Variants in SEMA5A observed in about 807,000 individuals in gnomAD.
The protein encoded by SEMA5A is semaphorin 5A.
A neutral mutation model predicts 135.5 loss-of-function variants in SEMA5A; 55 were observed. That is an observed-to-expected ratio of 0.41 (90% confidence interval 0.33 to 0.51). The LOEUF (loss-of-function observed/expected upper bound fraction) is 0.51. Among genes scored for constraint, SEMA5A ranks in the 20% least tolerant of loss-of-function variants. SEMA5A has a pLI of 0.37. For synonymous variants in SEMA5A, 580 were observed against 546.5 expected, an observed-to-expected ratio of 1.06 and a Z score of -0.85; for missense variants, 1,290 against 1,419.9, an observed-to-expected ratio of 0.91 and a Z score of 1.47.
At chr5:9,231,282 C>A (rs865990246) in intron 6 of SEMA5A, among the ~76,000 whole-genome samples, 4 of 151,882 alleles carry the variant, frequency 2.6e-5, no homozygotes, top group African/African-American at 4.8e-5. Context: ...GCCTGGCCAA[C>A]ATGAAACCCC....
intron 5 of SEMA5A, among the ~76,000 whole-genome samples, chr5:9,292,010 G>C (rs371178958): frequency 6.6e-6 from 1 of 152,068 alleles, no homozygotes; most frequent in African/African-American, 2.4e-5. Context: ...TTGCGGTGAG[G>C]CTGCAGCCCT....
At chr5:9,515,078 C>T (rs1214856479) in intron 1 of SEMA5A, among the ~76,000 whole-genome samples, 1 of 152,222 alleles carries the variant, frequency 6.6e-6, no homozygotes, top group Admixed American at 6.5e-5. Flanking sequence ...CTAGCCTAGC[C>T]TATTCTAAGC....
chr5:9,048,325 C>T lies in SEMA5A; in HGVS notation c.2893+2085G>A, dbSNP rs547099521. ...TGTGCACTTGGGCCAGTGACATCAT[C>T]CCTCTAAGTCTCATGGTCTCCATTT... On this transcript the variant is annotated intron_variant, in intron 21 of 22. Coordinates refer to ENST00000382496, the MANE Select transcript of SEMA5A (RefSeq NM_003966.3). Among the ~76,000 whole-genome samples, 7 of 152,298 alleles carry T rather than the reference C, an allele frequency of 4.6e-5. No individual in the cohort carries two copies. The East Asian group carries it at 1.4e-3, about 29-fold the overall frequency.
At position 9,270,882 on chromosome 5, in the gene SEMA5A, T is replaced by A. The variant is rs550114174; in HGVS notation, c.271-32992A>T. ...AGCAAACTACAGCCTGTGGGTCAAA[T>A]CCAGCCCATTGCCTATTTTCTGATC... is the stretch of plus-strand genomic sequence containing the variant. On this transcript the variant is annotated intron_variant, in intron 5 of 22. Coordinates refer to ENST00000382496, the MANE Select transcript of SEMA5A (RefSeq NM_003966.3). Among the ~76,000 whole-genome samples the A allele has an allele frequency of 6.6e-4, 101 of 152,260 alleles. 1 individual carries two copies. Among genetic ancestry groups the A allele is most frequent in the Middle Eastern group, 3.4e-3 (1 of 294 alleles).
intron 3 of SEMA5A, among the ~76,000 whole-genome samples, chr5:9,347,843 C>T (rs1236022912): frequency 6.6e-6 from 1 of 152,110 alleles, no homozygotes; most frequent in Non-Finnish European, 1.5e-5. Context: ...CATATTTTTC[C>T]TTGGTATTTT....
chr5:9,275,125 T>C lies in SEMA5A; in HGVS notation c.271-37235A>G, dbSNP rs573700620. Among the ~76,000 whole-genome samples, 6 of 151,830 alleles carry C rather than the reference T, an allele frequency of 4.0e-5. No individual in the cohort carries two copies. In the East Asian group the frequency reaches 1.2e-3, roughly 29 times the overall value. On this transcript the variant is annotated intron_variant, in intron 5 of 22. Transcript: ENST00000382496. ...AAAAAAGAGAGAAGAATCAAGTAGA[T>C]GCAATAAAAAATGATAAAGGGTATA...
At chr5:9,179,806 T>C (rs574299370) in intron 11 of SEMA5A, among the ~76,000 whole-genome samples, 1 of 152,316 alleles carries the variant, frequency 6.6e-6, no homozygotes, top group Non-Finnish European at 1.5e-5. Context: ...TAAATTTGAC[T>C]GTAAGAGCAG....
intron 2 of SEMA5A, among the ~76,000 whole-genome samples, chr5:9,397,886 G>T (rs946742113): frequency 4.6e-5 from 7 of 152,086 alleles, no homozygotes; most frequent in African/African-American, 1.2e-4. Flanking sequence ...TTTTTAAAAT[G>T]ACTAGAATTC....
chr5:9,514,456 A>G (rs879344187), intron 1 of SEMA5A, among the ~76,000 whole-genome samples: 2 of 152,190 alleles, frequency 1.3e-5, no homozygotes, highest in Non-Finnish European at 2.9e-5. Flanking sequence ...GTCATCCTTC[A>G]GTATACCTGA....
At chr5:9,181,178 C>T (rs1305191529) in intron 11 of SEMA5A, among the ~76,000 whole-genome samples, 1 of 152,140 alleles carries the variant, frequency 6.6e-6, no homozygotes, top group Non-Finnish European at 1.5e-5. Context: ...CCCTTGTGCA[C>T]CTCAGAACCT....
chr5:9,167,080 A>C (rs970528347), intron 11 of SEMA5A, among the ~76,000 whole-genome samples: 3 of 152,156 alleles, frequency 2.0e-5, no homozygotes, highest in African/African-American at 7.2e-5. Context: ...TGCACTTTTG[A>C]AACATTAATT....
At chr5:9,534,797 C>A (rs1737665399) in intron 1 of SEMA5A, among the ~76,000 whole-genome samples, 1 of 152,200 alleles carries the variant, frequency 6.6e-6, no homozygotes, top group Non-Finnish European at 1.5e-5. Context: ...GCAAGTCAGT[C>A]TTCTCCTCTA....
At chr5:9,238,698 CT>C (rs971797150) in intron 5 of SEMA5A, among the ~76,000 whole-genome samples, 116 of 144,348 alleles carry the variant, frequency 8.0e-4, no homozygotes, top group Middle Eastern at 3.6e-3. Context: ...GGCACCTGGG[CT>C]TTTTTTTTTT....
chr5:9,108,108 T>C (rs1740020609), intron 16 of SEMA5A, 32 bp downstream of exon 16: 4 of 1,606,538 alleles, frequency 2.5e-6, no homozygotes, highest in African/African-American at 1.3e-5. Context: ...GGTTCTGGAT[T>C]GTGGGCTGGG....
rs80076589 is a variant in SEMA5A, at chr5:9,424,439, C to T, written c.-78+13317G>A. 2.8e-3 allele frequency among the ~76,000 whole-genome samples: 423 copies of T among 152,262 alleles called. 4 individuals are homozygous for T. The highest frequency in any genetic ancestry group is 9.1e-3 in the African/African-American group (380 of 41,556). ...TTTGCAACAGATGCCAATACCTTCC[C>T]AAACATGTCTGAGGCATCTCCTAGG... On this transcript the variant is annotated intron_variant, in intron 2 of 22. Transcript: ENST00000382496.
intron 16 of SEMA5A, among the ~76,000 whole-genome samples, chr5:9,079,248 T>A (rs895972456): frequency 1.3e-5 from 2 of 152,104 alleles, no homozygotes; most frequent in Non-Finnish European, 2.9e-5. Flanking sequence ...AAACTCAGGA[T>A]TATGAAACTC....
At chr5:9,254,257 G>A (rs571406206) in intron 5 of SEMA5A, among the ~76,000 whole-genome samples, 25 of 152,144 alleles carry the variant, frequency 1.6e-4, no homozygotes, top group African/African-American at 5.8e-4. Flanking sequence ...GTAAAGGCAA[G>A]AGAAAAAAAG....
intron 9 of SEMA5A, among the ~76,000 whole-genome samples, chr5:9,197,730 G>T (rs3822776): frequency 0.16 from 16,092 of 103,210 alleles, 1,639 homozygotes; most frequent in East Asian, 0.32. Context: ...AAAGCTGTTT[G>T]TGTGTGTGTG....
At chr5:9,448,585 G>A (rs1758517636) in intron 1 of SEMA5A, among the ~76,000 whole-genome samples, 1 of 152,142 alleles carries the variant, frequency 6.6e-6, no homozygotes, top group African/African-American at 2.4e-5. Context: ...TTTTGGTTTT[G>A]GTTTGCTAAG....
Sources: allele counts gnomAD v4.1 joint callset (sites outside exome capture counted in the v4.1 genomes callset), GRCh38; gene constraint gnomAD v4.1.1; transcripts MANE v1.5; gene names NCBI Gene and HGNC (gene_info 2026-07-23, HGNC 2026-07-21).